DMP1: variants seen among roughly 807,000 people sequenced by gnomAD.
DMP1 encodes the protein dentin matrix protein 1.
A neutral mutation model predicts 14.6 loss-of-function variants in DMP1; 20 were observed. That is an observed-to-expected ratio of 1.37 (90% confidence interval 0.96 to 1.99). The LOEUF (loss-of-function observed/expected upper bound fraction) is 1.99, where lower values mean the gene tolerates loss of function less well. Ranked by LOEUF, DMP1 falls within the 30% of genes most tolerant of loss-of-function variation. The pLI is 0.00. For synonymous variants in DMP1, 197 were observed against 215.3 expected (o/e 0.91, Z 0.75); for missense variants, 567 against 620.5 (o/e 0.91, Z 0.92).
intron 1 of DMP1, among the ~76,000 whole-genome samples, chr4:87,654,803 A>G (rs529051362): frequency 2.6e-4 from 39 of 152,352 alleles, no homozygotes; most frequent in Middle Eastern, 6.8e-3. Context: ...AACATAGACT[A>G]GAGGAAGCTG....
intron 3 of DMP1, 41 bp downstream of exon 3, chr4:87,657,120 T>C (rs1219396155): frequency 8.4e-7 from 1 of 1,189,682 alleles, no homozygotes; most frequent in Non-Finnish European, 1.2e-6. Flanking sequence ...TTAATTTTAA[T>C]TTATTATGAG....
Position 87,663,661 on chromosome 4 carries a change from T to G in DMP1, c.*341T>G. On this transcript the variant is annotated 3_prime_UTR_variant, in exon 6 of 6. Transcript: ENST00000339673. ...CAGGCACTATGCTAGGTGTTGAGAA[T>G]GTAAAGCAGGTTAAGACTTGTTTCT... 2.7e-6 allele frequency: 1 copy of G among 375,288 alleles called. No individual in the cohort carries two copies. Among genetic ancestry groups the G allele is most frequent in the East Asian group, 6.6e-5 (1 of 15,132 alleles). 23.2% of individuals were successfully genotyped at this position (375,288 alleles called of 1,614,324 possible).
rs567847955 is a variant in DMP1 at position 87,654,225 on chromosome 4, T to G, written c.-21-2247T>G. On this transcript the variant is annotated intron_variant, in intron 1 of 5. Transcript: ENST00000339673. The stretch of plus-strand genomic sequence containing the variant: ...AGAAAGACAGGGGGACTTAGGGTAA[T>G]ATTTTCAGGTTTTATTGCTGGCTTT... Among the ~76,000 whole-genome samples, 69 of 152,296 alleles carry G rather than the reference T, an allele frequency of 4.5e-4. No individual in the cohort carries two copies. In the South Asian group the frequency reaches 0.014, roughly 31 times the overall value.
At position 87,657,081 on chromosome 4, in the gene DMP1, T is replaced by A; in HGVS notation, c.102+2T>A. 6.6e-7 allele frequency: 1 copy of A among 1,514,014 alleles called. No individual in the cohort carries two copies. The highest frequency in any genetic ancestry group is 9.2e-7 in the Non-Finnish European group (1 of 1,090,116). The allele number at this position is 1,514,014 out of a possible 1,614,324, so 93.8% of individuals were successfully genotyped here. ...TCTGAGGATTCTGAAGAATGGAAGG[T>A]GAGTAGAAATATGACTTTTTGAAAT... On this transcript the variant is annotated splice_donor_variant, in intron 3 of 5. Coordinates refer to ENST00000339673, the MANE Select transcript of DMP1 (RefSeq NM_004407.4). LOFTEE classifies it high-confidence loss of function.
At chr4:87,657,920 T>C (rs2615478) in intron 3 of DMP1, among the ~76,000 whole-genome samples, 118,756 of 152,160 alleles carry the variant, frequency 0.78, 46,909 homozygotes, top group East Asian at 0.89. Context: ...ATAATGTCAG[T>C]GACCTGAGGT....
intron 2 of DMP1, 83 bp downstream of exon 2, chr4:87,656,629 C>T: frequency 1.1e-6 from 1 of 895,748 alleles, no homozygotes; most frequent in Non-Finnish European, 1.9e-6. Flanking sequence ...ACCAAGATGG[C>T]TGTGTATGTT....
chr4:87,651,480 T>C (rs1186389109), intron 1 of DMP1, among the ~76,000 whole-genome samples: 1 of 152,128 alleles, frequency 6.6e-6, no homozygotes, highest in Non-Finnish European at 1.5e-5. Flanking sequence ...CCTGGCCAAG[T>C]TTGATTCTAT....
chr4:87,651,252 T>C (rs1276786816), intron 1 of DMP1, among the ~76,000 whole-genome samples: 1 of 152,142 alleles, frequency 6.6e-6, no homozygotes, highest in African/African-American at 2.4e-5. Flanking sequence ...TTAGTCCACT[T>C]ACCTACCTGA....
At chr4:87,658,077 T>C (rs138575150) in intron 3 of DMP1, among the ~76,000 whole-genome samples, 39 of 152,342 alleles carry the variant, frequency 2.6e-4, no homozygotes, top group Admixed American at 9.1e-4. Context: ...ACATGCCCTG[T>C]TCTCAAGTCT....
In DMP1 at chr4:87,661,898, C is replaced by G. The variant is rs1180537073; in HGVS notation, c.184-64C>G. On this transcript the variant is annotated intron_variant, in intron 5 of 5. Coordinates refer to ENST00000339673, the MANE Select transcript of DMP1 (RefSeq NM_004407.4). ...AGGAAGCAGAAAGACTAGAAAGGCT[C>G]TAGATAACTCCTTCTCTATCGGTTC... is the stretch of plus-strand genomic sequence containing the variant. The G allele has an allele frequency of 4.3e-6, 7 of 1,613,528 alleles. No homozygotes were observed. In the South Asian group the frequency reaches 4.4e-5, roughly 10 times the overall value.
At position 87,663,038 on chromosome 4, in the gene DMP1, G is replaced by T; in HGVS notation, c.1260G>T (p.Glu420Asp). Residue 420 changes from glutamate to aspartate, a missense_variant, in exon 6 of 6, where the codon GAG becomes GAT. By Grantham distance (45) the Glu-to-Asp change is conservative. Transcript: ENST00000339673. The stretch of plus-strand genomic sequence containing the variant: ...TCAACTTCTCAGAGGAAAGCCCGGA[G>T]TCCCCTGAGGATGAGAACAGCTCCA... ...ESLNFSEESP[E>D]SPEDENSSSQ... The T allele has an allele frequency of 6.2e-7, 1 of 1,614,168 alleles. No homozygotes were observed. Among genetic ancestry groups the T allele is most frequent in the Admixed American group, 1.7e-5 (1 of 60,024 alleles).
chr4:87,658,333 T>G (rs537407223), intron 3 of DMP1, among the ~76,000 whole-genome samples: 3 of 152,182 alleles, frequency 2.0e-5, no homozygotes, highest in Non-Finnish European at 4.4e-5. Flanking sequence ...CACACAGGAC[T>G]TTGCCCTCCT....
At position 87,663,097 on chromosome 4, in the gene DMP1, CAG is replaced by C. The variant is rs1300889037; in HGVS notation, c.1324_1325del (p.Gln443GlufsTer7). ...GGCCTCCAGTCTCACAGCAGCTCAG[CAG>C]AGAGTCAGAGCGAGGAAAGCCATTC... On this transcript the variant is annotated frameshift_variant, in exon 6 of 6. Transcript: ENST00000339673. LOFTEE classifies it high-confidence loss of function. 1.2e-6 allele frequency: 2 copies of C among 1,614,206 alleles called. No individual in the cohort carries two copies. The highest frequency in any genetic ancestry group is 1.7e-5 in the Admixed American group (1 of 60,028).
rs1728951979 is a variant in DMP1, at chr4:87,662,794, A to G, written c.1016A>G (p.Glu339Gly). The G allele has an allele frequency of 6.2e-7, 1 of 1,612,822 alleles. No individual in the cohort carries two copies. Among genetic ancestry groups the G allele is most frequent in the Non-Finnish European group, 8.5e-7 (1 of 1,179,170 alleles). Reference sequence around the variant, plus strand: ...CAAAACGTAGATGGTCCCAGCAGTGAGTCCAGCCAAGAGGCCAACCTGTCA... The same window carrying G: ...CAAAACGTAGATGGTCCCAGCAGTGGGTCCAGCCAAGAGGCCAACCTGTCA... ...ESQNVDGPSS[E>G]SSQEANLSSQ... Residue 339 changes from glutamate to glycine, a missense_variant, in exon 6 of 6, where the codon GAG becomes GGG. Physicochemically the swap from Glu to Gly is moderately conservative, Grantham distance 98 (BLOSUM62 -2). Transcript: ENST00000339673.
chr4:87,657,371 G>T, intron 3 of DMP1: 1 of 209,356 alleles, frequency 4.8e-6, no homozygotes, highest in Non-Finnish European at 9.6e-6. Context: ...CTTGAAATCT[G>T]TTTTAACAAG....
chr4:87,659,156 A>C, intron 3 of DMP1, 64 bp from the exon 4 acceptor site: 1 of 1,501,750 alleles, frequency 6.7e-7, no homozygotes, highest in African/African-American at 1.4e-5. Flanking sequence ...TATTGTAAAT[A>C]ATTACAATAA....
At chr4:87,655,307 G>T (rs1728654125) in intron 1 of DMP1, among the ~76,000 whole-genome samples, 1 of 152,124 alleles carries the variant, frequency 6.6e-6, no homozygotes, top group Non-Finnish European at 1.5e-5. Flanking sequence ...TTAGCATCTA[G>T]TACTTCTATT....
chr4:87,655,777 T>G lies in DMP1; in HGVS notation c.-21-695T>G, dbSNP rs142089658. 8.5e-5 allele frequency among the ~76,000 whole-genome samples: 13 copies of G among 152,224 alleles called. No individual in the cohort carries two copies. In the East Asian group the frequency reaches 2.3e-3, roughly 27 times the overall value. On this transcript the variant is annotated intron_variant, in intron 1 of 5. Coordinates refer to ENST00000339673, the MANE Select transcript of DMP1 (RefSeq NM_004407.4). ...GTGTAGTTTTTTAGGGAGAATACAT[T>G]TGCTAGGGTGCTCTGCCATACCAAG...
At chr4:87,659,006 C>T (rs931076167) in intron 3 of DMP1, 8 of 605,512 alleles carry the variant, frequency 1.3e-5, no homozygotes, top group Non-Finnish European at 2.4e-5. Flanking sequence ...TAAACATTGT[C>T]TAGGTCTCTT....
Sources: allele counts gnomAD v4.1 joint callset (sites outside exome capture counted in the v4.1 genomes callset), GRCh38; gene constraint gnomAD v4.1.1; transcripts MANE v1.5; gene names NCBI Gene and HGNC (gene_info 2026-07-23, HGNC 2026-07-21).